The following ZNF451 variants were observed in gnomAD, a reference collection of about 807,000 sequenced individuals.
The protein encoded by ZNF451 is zinc finger protein 451.
ZNF451 carries 80 observed loss-of-function variants against 107.1 expected under a neutral mutation model. The observed-to-expected ratio is 0.75, with a 90% CI of 0.62 to 0.90. The LOEUF (loss-of-function observed/expected upper bound fraction) is 0.90. Ranked by LOEUF, ZNF451 falls within the 40% of genes least tolerant of loss-of-function variation. ZNF451 has a pLI of 0.00. For synonymous variants in ZNF451, 362 were observed against 406.5 expected (o/e 0.89, Z 1.32); for missense variants, 1,107 against 1,236.2 (o/e 0.90, Z 1.57).
chr6:57,137,054 G>A (rs1375607981), intron 7 of ZNF451, among the ~76,000 whole-genome samples: 2 of 152,112 alleles, frequency 1.3e-5, no homozygotes, highest in Non-Finnish European at 2.9e-5. Context: ...GTATCGTTAT[G>A]CTTATGTACG....
At chr6:57,114,863 GA>G (rs1183607195) in intron 3 of ZNF451, 1 of 152,054 alleles carries the variant, frequency 6.6e-6, no homozygotes, top group East Asian at 1.9e-4. Context: ...ATGTAAAAAA[GA>G]AAAAACCCTC....
chr6:57,154,337 A>G (rs1763295960), intron 13 of ZNF451: 1 of 466,370 alleles, frequency 2.1e-6, no homozygotes, highest in Non-Finnish European at 3.7e-6. Context: ...TGTTACTACA[A>G]TTTTAAAAGC....
intron 3 of ZNF451, among the ~76,000 whole-genome samples, chr6:57,120,518 A>G (rs1182387107): frequency 1.3e-5 from 2 of 152,242 alleles, no homozygotes; most frequent in Non-Finnish European, 2.9e-5. Context: ...CCAACCAGCA[A>G]TGAAATGAGA....
rs749820632 is a variant in ZNF451, at chr6:57,148,429, G to A, written c.2344G>A (p.Glu782Lys). The A allele has an allele frequency of 7.4e-6, 12 of 1,613,888 alleles. No homozygotes were observed. Among genetic ancestry groups the A allele is most frequent in the Non-Finnish European group, 8.5e-6 (10 of 1,179,906 alleles). Residue 782 changes from glutamate (E) to lysine (K), a missense_variant, in exon 10 of 15, where the codon GAG (glutamate) becomes AAG (lysine). Glu to Lys is a moderately conservative substitution (Grantham distance 56, BLOSUM62 1). Coordinates refer to ENST00000370706, the MANE Select transcript of ZNF451 (RefSeq NM_001031623.3). Reference protein sequence around the residue: ...IHQVHKEKSDEEEQQYVIKCG... With the variant: ...IHQVHKEKSDKEEQQYVIKCG... ...TCAAGTGCACAAAGAAAAGAGTGAT[G>A]AGGAGGAGCAGCAGTATGTAATCAA...
intron 3 of ZNF451, chr6:57,106,098 T>A (rs889147139): frequency 1.0e-6 from 1 of 985,170 alleles, no homozygotes; most frequent in African/African-American, 1.7e-5. Context: ...ACCTGATACA[T>A]CCAGGATAAC....
At chr6:57,117,326 A>ATT (rs5876529) in intron 3 of ZNF451, among the ~76,000 whole-genome samples, 294 of 147,190 alleles carry the variant, frequency 2.0e-3, no homozygotes, top group South Asian at 4.5e-3. Context: ...ATTTTAGAGC[A>ATT]TTTTTTTTTT....
chr6:57,100,733 TA>T, intron 3 of ZNF451: 1 of 1,550,584 alleles, frequency 6.4e-7, no homozygotes, highest in Non-Finnish European at 8.7e-7. Flanking sequence ...CCAGAAAGGA[TA>T]GTTTCTCAAA....
intron 14 of ZNF451, among the ~76,000 whole-genome samples, chr6:57,161,766 C>T (rs1763684170): frequency 6.6e-6 from 1 of 152,170 alleles, no homozygotes; most frequent in African/African-American, 2.4e-5. Flanking sequence ...ACAATCTCAG[C>T]TCACTGCAAC....
At chr6:57,155,519 T>C (rs770528627) in intron 13 of ZNF451, among the ~76,000 whole-genome samples, 14 of 152,182 alleles carry the variant, frequency 9.2e-5, no homozygotes, top group Non-Finnish European at 1.8e-4. Context: ...TTCTACTCTT[T>C]TGCCATCGCT....
intron 13 of ZNF451, among the ~76,000 whole-genome samples, chr6:57,160,289 C>T (rs1275367708): frequency 1.3e-5 from 2 of 150,302 alleles, no homozygotes; most frequent in Non-Finnish European, 2.9e-5. Flanking sequence ...TGTTTTCTCC[C>T]CTCCCCTCCC....
At chr6:57,154,887 C>T (rs901064929) in intron 13 of ZNF451, among the ~76,000 whole-genome samples, 1 of 151,850 alleles carries the variant, frequency 6.6e-6, no homozygotes, top group African/African-American at 2.4e-5. Flanking sequence ...CTGCTTGCCT[C>T]CTAGATTTTT....
chr6:57,126,429 G>A (rs1382657595), intron 4 of ZNF451: 1 of 151,932 alleles, frequency 6.6e-6, no homozygotes, highest in Non-Finnish European at 1.5e-5. Flanking sequence ...ACCCAGAAAG[G>A]AAGATATTGA....
intron 9 of ZNF451, 38 bp from the exon 10 acceptor site, chr6:57,147,052 C>A (rs765089221): frequency 1.3e-6 from 2 of 1,525,430 alleles, no homozygotes; most frequent in South Asian, 2.6e-5. Context: ...TTAGAAAATA[C>A]TTCTGAAAGA....
intron 13 of ZNF451, among the ~76,000 whole-genome samples, chr6:57,155,210 G>T (rs570781792): frequency 2.0e-5 from 3 of 152,250 alleles, no homozygotes; most frequent in Admixed American, 1.3e-4. Flanking sequence ...AACAGGCTGG[G>T]TGCAGTGGCT....
At chr6:57,127,691 C>T (rs1020851385) in intron 4 of ZNF451, among the ~76,000 whole-genome samples, 3 of 152,076 alleles carry the variant, frequency 2.0e-5, no homozygotes, top group Non-Finnish European at 4.4e-5. Flanking sequence ...ATTTATTTGA[C>T]CTCTGTGTAC....
rs1029949344 is a variant in ZNF451 at position 57,170,275 on chromosome 6, G to A, written c.*1806G>A. 5 of 152,138 alleles carry A rather than the reference G, an allele frequency of 3.3e-5. No individual in the cohort carries two copies. The highest frequency in any genetic ancestry group is 5.9e-5 in the Non-Finnish European group (4 of 68,010). 9.4% of individuals were successfully genotyped at this position (152,138 alleles called of 1,614,324 possible). A position where few individuals can be genotyped will look rare whatever the true frequency, so the allele number is the denominator to read the frequency against. ...ATCAGAGAAAGCTATATGGATTATC[G>A]TCAGAAGTAAATGTTTCTAACATTG... On this transcript the variant is annotated 3_prime_UTR_variant, in exon 15 of 15. Coordinates refer to ENST00000370706, the MANE Select transcript of ZNF451 (RefSeq NM_001031623.3).
rs398001706 is a variant in ZNF451, at chr6:57,163,436, CTTTTTTTTTTTTTTTT to C, written c.3139+2301_3139+2316del. On this transcript the variant is annotated intron_variant, in intron 14 of 14. Transcript: ENST00000370706. ...AATGGTTGCTTGTTAAATGAATAAA[CTTTTTTTTTTTTTTTT>C]TTTTTTTTTTTTTTTTGAGACGGAG... Among the ~76,000 whole-genome samples the C allele has an allele frequency of 2.1e-3, 65 of 30,344 alleles. 2 individuals carry two copies. The highest frequency in any genetic ancestry group is 0.012 in the South Asian group (6 of 514). 19.9% of individuals were successfully genotyped at this position (30,344 alleles called of 152,430 possible).
Position 57,138,197 on chromosome 6 carries a change from C to T in ZNF451, c.703-3105C>T, listed in dbSNP as rs1401929736. ...AGTGCACTGCACCATTTTACTTTCCCGCCAGCAATGTTTGTGGGTTTCAGT... is the reference window on the plus strand; with the variant it reads ...AGTGCACTGCACCATTTTACTTTCCTGCCAGCAATGTTTGTGGGTTTCAGT... On this transcript the variant is annotated intron_variant, in intron 7 of 14. Transcript: ENST00000370706. 3.3e-5 allele frequency among the ~76,000 whole-genome samples: 5 copies of T among 151,662 alleles called. No homozygotes were observed. In the East Asian group the frequency reaches 7.7e-4, roughly 23 times the overall value.
At chr6:57,100,992 G>T in intron 3 of ZNF451, 1 of 1,550,968 alleles carries the variant, frequency 6.4e-7, no homozygotes, top group Non-Finnish European at 8.7e-7. Context: ...TAGCTGAAAT[G>T]TCCCGAGTGA....
Sources: allele counts gnomAD v4.1 joint callset (sites outside exome capture counted in the v4.1 genomes callset), GRCh38; gene constraint gnomAD v4.1.1; transcripts MANE v1.5; gene names NCBI Gene and HGNC (gene_info 2026-07-23, HGNC 2026-07-21).